PARP11: variants seen among roughly 807,000 people sequenced by gnomAD.
PARP11 encodes the protein protein mono-ADP-ribosyltransferase PARP11.
In PARP11, 31 loss-of-function variants were observed where a neutral mutation model predicts 42.9. The observed-to-expected ratio is 0.72, with a 90% CI of 0.54 to 0.98. PARP11 has a LOEUF of 0.98. Among genes scored for constraint, PARP11 ranks in the 50% least tolerant of loss-of-function variants. The pLI is 0.00. For missense variants in PARP11, 365 were observed against 413.1 expected (o/e 0.88, Z 1.01); for synonymous variants, 137 against 127.3 (o/e 1.08, Z -0.51).
chr12:3,829,037 G>A lies in PARP11; in HGVS notation c.148-7C>T. 6.2e-7 allele frequency: 1 copy of A among 1,613,552 alleles called. No homozygotes were observed. Among genetic ancestry groups the A allele is most frequent in the African/African-American group, 1.3e-5 (1 of 74,986 alleles). On this transcript the variant is annotated splice_region_variant and splice_polypyrimidine_tract_variant and intron_variant, in intron 2 of 7. Transcript: ENST00000228820. ...ACTGACTGTTGGTATCCGGCTTTAA[G>A]ACAAACCAGAAAGTTTCATTTACCA... is the stretch of plus-strand genomic sequence containing the variant.
intron 1 of PARP11, among the ~76,000 whole-genome samples, chr12:3,854,802 C>G (rs2138101903): frequency 6.6e-6 from 1 of 152,218 alleles, no homozygotes; most frequent in Admixed American, 6.5e-5. Context: ...CACCCTGATA[C>G]CAAAGCCTGG....
intron 1 of PARP11, chr12:3,841,979 G>A (rs1002569950): frequency 2.2e-5 from 35 of 1,610,194 alleles, no homozygotes; most frequent in Middle Eastern, 1.6e-4. Context: ...GACGAAGGCC[G>A]GACAGAGCAA....
At chr12:3,829,401 C>T (rs1023997509) in intron 2 of PARP11, among the ~76,000 whole-genome samples, 4 of 152,094 alleles carry the variant, frequency 2.6e-5, no homozygotes, top group Non-Finnish European at 4.4e-5. Context: ...GTTTTGAGTG[C>T]GGATTCAAAT....
intron 1 of PARP11, among the ~76,000 whole-genome samples, chr12:3,858,066 CTA>C (rs1470863151): frequency 6.6e-6 from 1 of 152,200 alleles, no homozygotes; most frequent in African/African-American, 2.4e-5. Context: ...TGGCCTAAGA[CTA>C]TGTTCAGTGT....
intron 1 of PARP11, among the ~76,000 whole-genome samples, chr12:3,834,782 T>G (rs1565539231): frequency 6.7e-6 from 1 of 148,366 alleles, no homozygotes; most frequent in East Asian, 1.9e-4. Context: ...AGAGCCCTCT[T>G]AGATCAGAGA....
intron 1 of PARP11, among the ~76,000 whole-genome samples, chr12:3,830,850 C>T (rs545872707): frequency 5.3e-5 from 8 of 152,282 alleles, no homozygotes; most frequent in African/African-American, 1.9e-4. Context: ...TCAGGGTCTA[C>T]GCACTTAGCC....
chr12:3,822,118 G>A lies in PARP11; in HGVS notation c.384C>T (p.His128=). ...GTACTTGAGTATTCACATTCTCCCA[G>A]TGTGGTGGCATAGGGATGGCCTCGT... ...CENEAIPMPP[H]WENVNTQVPY... Residue 128 remains histidine (H), a synonymous_variant, in exon 5 of 8, where the codon CAC becomes CAT. Coordinates refer to ENST00000228820, the MANE Select transcript of PARP11 (RefSeq NM_020367.6). 2 of 1,613,936 alleles carry A rather than the reference G, an allele frequency of 1.2e-6. No individual in the cohort carries two copies. The highest frequency in any genetic ancestry group is 1.7e-6 in the Non-Finnish European group (2 of 1,179,878).
Position 3,814,028 on chromosome 12 carries a change from G to A in PARP11, c.700+9C>T, listed in dbSNP as rs774594374. 1.9e-6 allele frequency: 3 copies of A among 1,543,992 alleles called. No homozygotes were observed. Among genetic ancestry groups the A allele is most frequent in the Admixed American group, 3.6e-5 (2 of 55,076 alleles). On this transcript the variant is annotated intron_variant, in intron 7 of 7. Coordinates refer to ENST00000228820, the MANE Select transcript of PARP11 (RefSeq NM_020367.6). The stretch of plus-strand genomic sequence containing the variant: ...GGGCTCAAATTGGACCTGGAATTCT[G>A]ATAATTACCTTTTCCAAAGACAGCA...
intron 1 of PARP11, among the ~76,000 whole-genome samples, chr12:3,839,041 C>A (rs1318346308): frequency 6.6e-6 from 1 of 152,080 alleles, no homozygotes; most frequent in Non-Finnish European, 1.5e-5. Context: ...TAATCCCGCT[C>A]CCCCCGTTTG....
chr12:3,837,423 G>A (rs745437891), intron 1 of PARP11, among the ~76,000 whole-genome samples: 2 of 152,024 alleles, frequency 1.3e-5, no homozygotes, highest in South Asian at 2.1e-4. Context: ...TAAGTCTTGC[G>A]GTAACCATAA....
intron 1 of PARP11, among the ~76,000 whole-genome samples, chr12:3,858,810 C>A (rs1489423595): frequency 6.6e-6 from 1 of 152,110 alleles, no homozygotes; most frequent in East Asian, 1.9e-4. Flanking sequence ...AATATTCAGG[C>A]TGGGTGCGGT....
chr12:3,821,949 CA>C lies in PARP11; in HGVS notation c.471del (p.Phe157LeufsTer19), dbSNP rs1177943055. Reference sequence around the variant, plus strand: ...ATTCGGTTGCGATCCATCGTCTTCCCAAAGAGATTAGCAACTTCATTATATT... The same window carrying C: ...ATTCGGTTGCGATCCATCGTCTTCCCAAGAGATTAGCAACTTCATTATATT... Reference protein sequence around the residue: ...THEYNEVANLFGKTMDRNRIK... With the variant: ...THEYNEVANLXGKTMDRNRIK... On this transcript the variant is annotated frameshift_variant, in exon 6 of 8. Transcript: ENST00000228820. LOFTEE classifies it high-confidence loss of function. 2 of 1,610,326 alleles carry C rather than the reference CA, an allele frequency of 1.2e-6. No individual in the cohort carries two copies. Among genetic ancestry groups the C allele is most frequent in the South Asian group, 2.2e-5 (2 of 90,330 alleles).
At chr12:3,863,542 G>T (rs560925091) in intron 1 of PARP11, among the ~76,000 whole-genome samples, 1 of 152,158 alleles carries the variant, frequency 6.6e-6, no homozygotes, top group South Asian at 2.1e-4. Context: ...GATTTCCTAG[G>T]ACTCACAAGA....
At position 3,849,989 on chromosome 12, in the gene PARP11, G is replaced by A. The variant is rs562314582; in HGVS notation, c.19-19971C>T. 3.4e-4 allele frequency among the ~76,000 whole-genome samples: 51 copies of A among 150,904 alleles called. No homozygotes were observed. In the South Asian group the frequency reaches 0.01, roughly 31 times the overall value. Reference sequence around the variant, plus strand: ...TAAATATGTATTTAATTTTAAATATGTATTTAATTAAATACATATCATTAT... The same window carrying A: ...TAAATATGTATTTAATTTTAAATATATATTTAATTAAATACATATCATTAT... On this transcript the variant is annotated intron_variant, in intron 1 of 7. Coordinates refer to ENST00000228820, the MANE Select transcript of PARP11 (RefSeq NM_020367.6).
At chr12:3,827,307 T>C (rs565848234) in intron 3 of PARP11, among the ~76,000 whole-genome samples, 1 of 152,210 alleles carries the variant, frequency 6.6e-6, no homozygotes, top group African/African-American at 2.4e-5. Flanking sequence ...GTAACTCCCA[T>C]TCCTTAATAA....
chr12:3,842,636 T>C, intron 1 of PARP11: 1 of 694,876 alleles, frequency 1.4e-6, no homozygotes, highest in Admixed American at 2.4e-5. Context: ...CCAGCCTCCT[T>C]ACCTTCCCTC....
intron 6 of PARP11, chr12:3,815,138 G>A (rs1947260764): frequency 9.2e-6 from 4 of 435,226 alleles, no homozygotes; most frequent in African/African-American, 2.0e-5. Flanking sequence ...ACTATTTGCT[G>A]CATTTTCATT....
intron 4 of PARP11, among the ~76,000 whole-genome samples, chr12:3,824,886 A>G (rs868340426): frequency 6.6e-6 from 1 of 152,226 alleles, no homozygotes; most frequent in Non-Finnish European, 1.5e-5. Flanking sequence ...TAGTAAGGAA[A>G]TACTATTCTC....
At chr12:3,860,050 A>G (rs11062874) in intron 1 of PARP11, among the ~76,000 whole-genome samples, 16,215 of 152,236 alleles carry the variant, frequency 0.11, 1,343 homozygotes, top group East Asian at 0.43. Flanking sequence ...AGACAGAATT[A>G]TTAAGCAAAA....
Sources: allele counts gnomAD v4.1 joint callset (sites outside exome capture counted in the v4.1 genomes callset), GRCh38; gene constraint gnomAD v4.1.1; transcripts MANE v1.5; gene names NCBI Gene and HGNC (gene_info 2026-07-23, HGNC 2026-07-21).